The following C11orf65 variants were observed in gnomAD, a reference collection of about 807,000 sequenced individuals.
C11orf65 encodes protein MFI.
C11orf65 carries 38 observed loss-of-function variants against 35.3 expected under a neutral mutation model. The observed-to-expected ratio is 1.08, with a 90% CI of 0.83 to 1.41. The LOEUF (loss-of-function observed/expected upper bound fraction) is 1.41. Among genes scored for constraint, C11orf65 ranks in the 40% most tolerant of loss-of-function variants. The probability of loss-of-function intolerance (pLI) is 0.00; values close to 1 mark genes in which losing one functional copy is unlikely to be tolerated. For synonymous variants in C11orf65, 105 were observed against 114.4 expected (o/e 0.92, Z 0.53); for missense variants, 370 against 367.1 (o/e 1.01, Z -0.06).
At chr11:108,426,662 T>C (rs1453899892) in intron 3 of C11orf65, among the ~76,000 whole-genome samples, 2 of 151,528 alleles carry the variant, frequency 1.3e-5, no homozygotes, top group African/African-American at 4.9e-5. Flanking sequence ...AAATTTCATA[T>C]GGAACCAAAA....
chr11:108,448,586 C>G (rs938632479), intron 2 of C11orf65, among the ~76,000 whole-genome samples: 19 of 152,128 alleles, frequency 1.2e-4, no homozygotes, highest in Non-Finnish European at 1.8e-4. Context: ...ATTCAACAAC[C>G]CTTCATGCTA....
rs768159082 is a variant in C11orf65, at chr11:108,309,069, T to C, written c.643A>G (p.Ile215Val). Residue 215 changes from isoleucine (I) to valine (V), a missense_variant and splice_region_variant, in exon 7 of 7, where the codon ATA (isoleucine) becomes GTA (valine). By Grantham distance (29) the Ile-to-Val change is conservative (BLOSUM62 3). Transcript: ENST00000525729. ...ATGCTGAATAAGATCCTGAAGAATATTCCTGGAGAAAGTATGAATGGGATA... is the reference window on the plus strand; with the variant it reads ...ATGCTGAATAAGATCCTGAAGAATACTCCTGGAGAAAGTATGAATGGGATA... 2.7e-6 allele frequency: 4 copies of C among 1,482,566 alleles called. 1 individual carries two copies. In the South Asian group the frequency reaches 4.8e-5, roughly 18 times the overall value. The allele number at this position is 1,482,566 out of a possible 1,614,324, so 91.8% of individuals were successfully genotyped here.
intron 6 of C11orf65, among the ~76,000 whole-genome samples, chr11:108,314,853 A>G (rs1220736563): frequency 1.3e-5 from 2 of 152,184 alleles, no homozygotes; most frequent in African/African-American, 2.4e-5. Flanking sequence ...CATTTACAGA[A>G]CTGTACTGTG....
chr11:108,465,917 G>A (rs541220431), intron 1 of C11orf65, among the ~76,000 whole-genome samples: 5 of 151,606 alleles, frequency 3.3e-5, no homozygotes, highest in South Asian at 4.2e-4. Context: ...CCTGGCAGGC[G>A]GAGGTTGCGG....
rs575707322 is a variant in C11orf65, at chr11:108,420,129, T to C, written c.174+11617A>G. 2.7e-3 allele frequency among the ~76,000 whole-genome samples: 4 copies of C among 1,486 alleles called. No individual in the cohort carries two copies. In the East Asian group the frequency reaches 0.33, roughly 124 times the overall value. The allele number at this position is 1,486 out of a possible 152,430, so 1.0% of individuals were successfully genotyped here. On this transcript the variant is annotated intron_variant, in intron 3 of 8. Coordinates refer to ENST00000393084, the MANE Select transcript of C11orf65 (RefSeq NM_152587.5). ...ATCAAAAATAAGAAAATAAAAATTT[T>C]GTAATTAACCATTTATAGGAGCATT...
At chr11:108,365,617 A>G (rs992458940) in intron 2 of C11orf65, 6 of 1,348,022 alleles carry the variant, frequency 4.5e-6, no homozygotes, top group Admixed American at 2.3e-5. Flanking sequence ...TAAGTGAACT[A>G]TTGTGGGTTT....
chr11:108,408,253 C>T (rs1463932753), intron 3 of C11orf65, among the ~76,000 whole-genome samples: 1 of 151,986 alleles, frequency 6.6e-6, no homozygotes, highest in Non-Finnish European at 1.5e-5. Context: ...TTTTAAATAA[C>T]TCCTCAAATA....
chr11:108,380,439 T>C (rs762094492), downstream of C11orf65, among the ~76,000 whole-genome samples: 44 of 152,178 alleles, frequency 2.9e-4, no homozygotes, highest in Non-Finnish European at 1.9e-4. Context: ...GTCATAACAA[T>C]TGACTTATAA....
intron 2 of C11orf65, among the ~76,000 whole-genome samples, chr11:108,452,614 C>A (rs2093363146): frequency 2.0e-5 from 3 of 152,050 alleles, no homozygotes; most frequent in African/African-American, 7.2e-5. Context: ...GATCTAGAAC[C>A]AGAAATACCA....
chr11:108,437,261 T>C (rs1033023707), intron 2 of C11orf65, among the ~76,000 whole-genome samples: 1 of 152,016 alleles, frequency 6.6e-6, no homozygotes, highest in African/African-American at 2.4e-5. Context: ...CACTCCAGCC[T>C]GGGTGACAGA....
Position 108,325,274 on chromosome 11 carries a change from C to G in C11orf65, c.641-16203G>C, listed in dbSNP as rs759869598. 2.0e-4 allele frequency: 97 copies of G among 485,046 alleles called. No individual in the cohort carries two copies. The highest frequency in any genetic ancestry group is 4.4e-4 in the Middle Eastern group (1 of 2,262). 30.0% of individuals were successfully genotyped at this position (485,046 alleles called of 1,614,324 possible). A position where few individuals can be genotyped will look rare whatever the true frequency, so the allele number is the denominator to read the frequency against. On this transcript the variant is annotated intron_variant, in intron 6 of 6. Coordinates refer to the C11orf65 transcript ENST00000525729. ...GTTTTTTTTTTTTTTTTTTTCATTT[C>G]TCTTGCTTACATGAACTCTATGTCG... is the stretch of plus-strand genomic sequence containing the variant.
At chr11:108,467,923 T>G (rs1459391589), upstream of C11orf65, among the ~76,000 whole-genome samples, 2 of 152,136 alleles carry the variant, frequency 1.3e-5, no homozygotes, top group African/African-American at 2.4e-5. Context: ...CTCCCCTGGC[T>G]CAGGTGATTC....
chr11:108,428,508 G>A (rs1477546549), intron 3 of C11orf65, among the ~76,000 whole-genome samples: 2 of 152,154 alleles, frequency 1.3e-5, no homozygotes, highest in Non-Finnish European at 2.9e-5. Context: ...CATGTCCTTT[G>A]CAGGGACATG....
At chr11:108,330,813 A>G (rs945798846), downstream of C11orf65, among the ~76,000 whole-genome samples, 3 of 152,194 alleles carry the variant, frequency 2.0e-5, no homozygotes, top group African/African-American at 7.2e-5. Flanking sequence ...CTGCAGAAAT[A>G]TGGGATTTTT....
chr11:108,351,840 C>T, intron 2 of C11orf65, among the ~76,000 whole-genome samples: 1 of 152,226 alleles, frequency 6.6e-6, no homozygotes, highest in East Asian at 1.9e-4. Context: ...ATCATTTATA[C>T]TGTTACCTGC....
Position 108,331,901 on chromosome 11 carries a change from A to G in C11orf65, c.300-334T>C, listed in dbSNP as rs1565533613. 3 of 1,613,866 alleles carry G rather than the reference A, an allele frequency of 1.9e-6. No homozygotes were observed. Among genetic ancestry groups the G allele is most frequent in the Non-Finnish European group, 2.5e-6 (3 of 1,179,834 alleles). On this transcript the variant is annotated intron_variant, in intron 3 of 3. Transcript: ENST00000524755. ...CAGCTAATCTCTAGAATTTCAATGG[A>G]TCACCCCCATCACACTTTGTTTATT...
At chr11:108,316,753 C>CAAAAAA (rs58165074) in intron 6 of C11orf65, among the ~76,000 whole-genome samples, 1 of 72,440 alleles carries the variant, frequency 1.4e-5, no homozygotes, top group African/African-American at 5.5e-5. Flanking sequence ...ACTAAAAATA[C>CAAAAAA]AAAAAAAAAA....
chr11:108,446,742 A>G (rs993795151), intron 2 of C11orf65, among the ~76,000 whole-genome samples: 1 of 152,198 alleles, frequency 6.6e-6, no homozygotes, highest in Non-Finnish European at 1.5e-5. Context: ...CAAAATAACC[A>G]GCTAACATCA....
intron 3 of C11orf65, among the ~76,000 whole-genome samples, chr11:108,334,747 T>C (rs1343984824): frequency 6.6e-6 from 1 of 152,240 alleles, no homozygotes; most frequent in Non-Finnish European, 1.5e-5. Flanking sequence ...TGAGGAGTTA[T>C]TTCTCAGATG....
Sources: allele counts gnomAD v4.1 joint callset (sites outside exome capture counted in the v4.1 genomes callset), GRCh38; gene constraint gnomAD v4.1.1; transcripts MANE v1.5; gene names NCBI Gene and HGNC (gene_info 2026-07-23, HGNC 2026-07-21).